Variants in TRIM24 observed in about 807,000 individuals in gnomAD.
TRIM24 encodes the protein tripartite motif containing 24.
A neutral mutation model predicts 123.9 loss-of-function variants in TRIM24; 29 were observed. That is an observed-to-expected ratio of 0.23 (90% CI 0.17 to 0.32). TRIM24 has a LOEUF of 0.32. Ranked by LOEUF, TRIM24 falls within the 10% of genes least tolerant of loss-of-function variation. The probability of loss-of-function intolerance (pLI) is 1.00; values close to 1 mark genes in which losing one functional copy is unlikely to be tolerated. For synonymous variants in TRIM24, 456 were observed against 461.1 expected (o/e 0.99, Z 0.14); for missense variants, 932 against 1,295.3 (o/e 0.72, Z 4.31).
chr7:138,523,190 G>T (rs1328341475), intron 4 of TRIM24, among the ~76,000 whole-genome samples: 6 of 152,062 alleles, frequency 3.9e-5, no homozygotes, highest in Admixed American at 2.6e-4. Flanking sequence ...GAGAGAGCAG[G>T]CCCAAATAAC....
At chr7:138,518,816 C>G (rs1338624197) in intron 3 of TRIM24, among the ~76,000 whole-genome samples, 1 of 152,080 alleles carries the variant, frequency 6.6e-6, no homozygotes, top group African/African-American at 2.4e-5. Context: ...TTCCAAATTG[C>G]ATTTTCAAAA....
At chr7:138,487,604 A>G (rs886695059) in intron 1 of TRIM24, among the ~76,000 whole-genome samples, 4 of 152,250 alleles carry the variant, frequency 2.6e-5, no homozygotes, top group African/African-American at 9.6e-5. Flanking sequence ...TGAAATAATC[A>G]TGTAGTTTTT....
chr7:138,589,211 A>G lies in TRIM24; in HGVS notation c.*4260A>G, dbSNP rs550340989. The G allele has an allele frequency of 6.6e-6, 1 of 152,234 alleles. No individual in the cohort carries two copies. The highest frequency in any genetic ancestry group is 2.4e-5 in the African/African-American group (1 of 41,536). The allele number at this position is 152,234 out of a possible 1,614,324, so 9.4% of individuals were successfully genotyped here. On this transcript the variant is annotated 3_prime_UTR_variant, in exon 19 of 19. Transcript: ENST00000343526. Reference sequence around the variant, plus strand: ...CTGTTGTAATTCACATACTGGTGTCATGTTTCTGAGTGAGAATAATGCTAG... The same window carrying G: ...CTGTTGTAATTCACATACTGGTGTCGTGTTTCTGAGTGAGAATAATGCTAG...
chr7:138,462,049 C>T (rs1220403445), intron 1 of TRIM24, among the ~76,000 whole-genome samples: 1 of 152,134 alleles, frequency 6.6e-6, no homozygotes, highest in Non-Finnish European at 1.5e-5. Flanking sequence ...TACTGACTGC[C>T]CTTTGTTTCT....
chr7:138,574,963 G>A (rs1797726067), intron 12 of TRIM24, among the ~76,000 whole-genome samples: 1 of 152,066 alleles, frequency 6.6e-6, no homozygotes, highest in Non-Finnish European at 1.5e-5. Context: ...GGCATTATTT[G>A]CAGTAGTTAA....
chr7:138,489,894 G>A (rs1452278503), intron 1 of TRIM24, among the ~76,000 whole-genome samples: 2 of 152,088 alleles, frequency 1.3e-5, no homozygotes, highest in Non-Finnish European at 2.9e-5. Flanking sequence ...TTGAACGTTG[G>A]CCTGCCTTGC....
At chr7:138,570,091 G>C (rs1461586682) in intron 10 of TRIM24, among the ~76,000 whole-genome samples, 1 of 152,012 alleles carries the variant, frequency 6.6e-6, no homozygotes, top group East Asian at 1.9e-4. Flanking sequence ...GGGATTACAG[G>C]TGCCCACCAC....
In TRIM24 at chr7:138,519,809, C is replaced by T. The variant is rs188502322; in HGVS notation, c.764+488C>T. ...AGCCCTGGGTCTGTATACTTCATGT[C>T]AACATTTGAGGCATGCCTTTTCCAG... On this transcript the variant is annotated intron_variant, in intron 4 of 18. Coordinates refer to ENST00000343526, the MANE Select transcript of TRIM24 (RefSeq NM_015905.3). Among the ~76,000 whole-genome samples the T allele has an allele frequency of 8.9e-4, 135 of 152,164 alleles. 4 individuals carry two copies. The highest frequency in any genetic ancestry group is 7.5e-3 in the Admixed American group (115 of 15,282).
chr7:138,584,121 A>G (rs1797963200), intron 18 of TRIM24, 122 bp downstream of exon 18: 2 of 1,078,842 alleles, frequency 1.9e-6, no homozygotes, highest in Non-Finnish European at 1.3e-6. Flanking sequence ...CCAACTTTTC[A>G]GATCAGGGAA....
chr7:138,585,022 A>C lies in TRIM24; in HGVS notation c.*71A>C. 1 of 1,313,738 alleles carries C rather than the reference A, an allele frequency of 7.6e-7. No individual in the cohort carries two copies. The highest frequency in any genetic ancestry group is 1.1e-6 in the Non-Finnish European group (1 of 951,052). The allele number at this position is 1,313,738 out of a possible 1,614,324, so 81.4% of individuals were successfully genotyped here. A position where few individuals can be genotyped will look rare whatever the true frequency, so the allele number is the denominator to read the frequency against. On this transcript the variant is annotated 3_prime_UTR_variant, in exon 19 of 19. Transcript: ENST00000343526. ...TCAAAAAAACATTTGTCAGTAATTT[A>C]ACATCACTACAAAAAGAAGAGTTTG...
chr7:138,582,774 CA>C (rs933628720), intron 17 of TRIM24, among the ~76,000 whole-genome samples: 34 of 151,942 alleles, frequency 2.2e-4, no homozygotes, highest in African/African-American at 8.0e-4. Flanking sequence ...CAAATTAATA[CA>C]AAGTTGAGAA....
chr7:138,531,903 G>T (rs373703950), intron 6 of TRIM24, among the ~76,000 whole-genome samples: 9 of 152,086 alleles, frequency 5.9e-5, no homozygotes, highest in South Asian at 4.2e-4. Flanking sequence ...TTTTAATGAT[G>T]GCCATTCTAA....
At position 138,485,516 on chromosome 7, in the gene TRIM24, A is replaced by G. The variant is rs559166874; in HGVS notation, c.365-18774A>G. On this transcript the variant is annotated intron_variant, in intron 1 of 18. Transcript: ENST00000343526. ...TGTGCCTCCCCCATCCCCTCACCCC[A>G]TGACAGTCCCTGGTGTGTGATGTTC... Among the ~76,000 whole-genome samples the G allele has an allele frequency of 3.3e-5, 5 of 152,138 alleles. No homozygotes were observed. The East Asian group carries it at 9.7e-4, about 29-fold the overall frequency.
At chr7:138,511,608 T>G (rs1226851992) in intron 2 of TRIM24, among the ~76,000 whole-genome samples, 1 of 152,114 alleles carries the variant, frequency 6.6e-6, no homozygotes, top group Non-Finnish European at 1.5e-5. Flanking sequence ...CACTTTTAAA[T>G]GAACACATCT....
chr7:138,566,009 G>C (rs1218912097), intron 9 of TRIM24, among the ~76,000 whole-genome samples: 1 of 152,192 alleles, frequency 6.6e-6, no homozygotes, highest in Non-Finnish European at 1.5e-5. Flanking sequence ...TGTTGGGAGA[G>C]TCTCTGGAGC....
intron 8 of TRIM24, among the ~76,000 whole-genome samples, chr7:138,552,421 G>A (rs968774932): frequency 7.2e-5 from 11 of 152,078 alleles, no homozygotes; most frequent in African/African-American, 1.9e-4. Flanking sequence ...CTTCTTTATT[G>A]TACTATTTGC....
intron 1 of TRIM24, among the ~76,000 whole-genome samples, chr7:138,466,181 G>T (rs368518384): frequency 4.8e-4 from 73 of 152,230 alleles, no homozygotes; most frequent in African/African-American, 1.8e-3. Flanking sequence ...TTTTAGTAGA[G>T]ACAGGGTTTC....
chr7:138,495,526 T>C (rs1265849274), intron 1 of TRIM24, among the ~76,000 whole-genome samples: 1 of 152,124 alleles, frequency 6.6e-6, no homozygotes, highest in Non-Finnish European at 1.5e-5. Flanking sequence ...CTTTTGTCTT[T>C]TTTCATGATA....
At chr7:138,564,591 A>G (rs1797496396) in intron 9 of TRIM24, among the ~76,000 whole-genome samples, 1 of 152,224 alleles carries the variant, frequency 6.6e-6, no homozygotes. Flanking sequence ...GCTGCCAGGC[A>G]GGGCTGCAAC....
Sources: gnomAD v4.1 joint callset for allele counts (sites outside exome capture counted in the v4.1 genomes callset) on GRCh38, gnomAD v4.1.1 for gene constraint, MANE v1.5 for transcripts, NCBI Gene and HGNC (gene_info 2026-07-23, HGNC 2026-07-21) for gene names.